DCC: variants seen among roughly 807,000 people sequenced by gnomAD.
DCC encodes DCC netrin 1 receptor, also known as netrin receptor DCC.
A neutral mutation model predicts 172.5 loss-of-function variants in DCC; 58 were observed. The observed-to-expected ratio is 0.34, with a 90% CI of 0.27 to 0.42. The LOEUF (loss-of-function observed/expected upper bound fraction) is 0.42. Ranked by LOEUF, DCC falls within the 10% of genes least tolerant of loss-of-function variation. DCC has a pLI of 1.00. For synonymous variants in DCC, 709 were observed against 644.5 expected, an observed-to-expected ratio of 1.10 and a Z score of -1.52; for missense variants, 1,740 against 1,791.0, an observed-to-expected ratio of 0.97 and a Z score of 0.51.
At chr18:52,731,544 T>A (rs1415475421) in intron 1 of DCC, among the ~76,000 whole-genome samples, 1 of 152,206 alleles carries the variant, frequency 6.6e-6, no homozygotes, top group African/African-American at 2.4e-5. Flanking sequence ...AAGAGTATTT[T>A]CTCTTTACAT....
intron 16 of DCC, among the ~76,000 whole-genome samples, chr18:53,387,153 TA>T (rs1908224918): frequency 6.6e-6 from 1 of 152,190 alleles, no homozygotes; most frequent in Admixed American, 6.5e-5. Flanking sequence ...GGTTATAAAA[TA>T]AATAGTGGAA....
chr18:53,368,788 T>G (rs1020655392), intron 15 of DCC, among the ~76,000 whole-genome samples: 2 of 152,090 alleles, frequency 1.3e-5, no homozygotes, highest in Non-Finnish European at 2.9e-5. Context: ...TATTCTATTC[T>G]GTTGATTTAT....
At chr18:53,380,162 T>C (rs1290450315) in intron 15 of DCC, among the ~76,000 whole-genome samples, 11 of 152,204 alleles carry the variant, frequency 7.2e-5, no homozygotes, top group Admixed American at 7.2e-4. Context: ...ACTCATTTGA[T>C]GCTTCTGTAG....
chr18:53,428,334 ATTG>A (rs1229468215), intron 21 of DCC, among the ~76,000 whole-genome samples: 3 of 64,172 alleles, frequency 4.7e-5, no homozygotes, highest in African/African-American at 1.5e-4. Context: ...AATATAATAT[ATTG>A]TATATAATAT....
At chr18:52,523,161 C>T (rs1001216237) in intron 1 of DCC, among the ~76,000 whole-genome samples, 1 of 152,094 alleles carries the variant, frequency 6.6e-6, no homozygotes, top group Non-Finnish European at 1.5e-5. Flanking sequence ...TGTACTGGGC[C>T]TTAGTTTCTC....
At chr18:53,085,988 TCTCCTTCTC>T (rs2042875235) in intron 7 of DCC, among the ~76,000 whole-genome samples, 1 of 55,198 alleles carries the variant, frequency 1.8e-5, no homozygotes, top group South Asian at 4.2e-4. Context: ...TTCTTCTTCT[TCTCCTTCTC>T]CTTCTTCTCC....
intron 1 of DCC, among the ~76,000 whole-genome samples, chr18:52,526,998 ATC>A: frequency 6.6e-6 from 1 of 152,220 alleles, no homozygotes; most frequent in Non-Finnish European, 1.5e-5. Flanking sequence ...ATGCTTTCTT[ATC>A]CAGTGAGCAA....
chr18:53,125,541 A>C (rs1304215896), intron 7 of DCC, among the ~76,000 whole-genome samples: 1 of 151,994 alleles, frequency 6.6e-6, no homozygotes, highest in Non-Finnish European at 1.5e-5. Context: ...AGGTCTTCCC[A>C]TTTGTTGGGT....
chr18:52,443,535 A>C (rs1988033083), intron 1 of DCC, among the ~76,000 whole-genome samples: 1 of 152,206 alleles, frequency 6.6e-6, no homozygotes. Flanking sequence ...AAGAATGCAT[A>C]GGAGTTTCCC....
intron 1 of DCC, among the ~76,000 whole-genome samples, chr18:52,716,213 G>A (rs1451681356): frequency 6.6e-6 from 1 of 152,234 alleles, no homozygotes. Context: ...ATCCCAGGGG[G>A]CTCCTCTTTT....
intron 2 of DCC, among the ~76,000 whole-genome samples, chr18:52,855,335 T>G (rs1450887685): frequency 6.6e-6 from 1 of 152,244 alleles, no homozygotes; most frequent in Non-Finnish European, 1.5e-5. Context: ...TAGATTGTTT[T>G]GACATTACTT....
chr18:52,357,971 C>A (rs1984451523), intron 1 of DCC, among the ~76,000 whole-genome samples: 1 of 151,354 alleles, frequency 6.6e-6, no homozygotes, highest in Non-Finnish European at 1.5e-5. Flanking sequence ...ACAAACACTA[C>A]CTCAGCCAGG....
At chr18:52,451,876 T>G in intron 1 of DCC, among the ~76,000 whole-genome samples, 1 of 152,180 alleles carries the variant, frequency 6.6e-6, no homozygotes, top group East Asian at 1.9e-4. Flanking sequence ...TTTGGGCTCT[T>G]CTCTCTAGGC....
chr18:52,704,605 T>C lies in DCC; in HGVS notation c.92-47449T>C, dbSNP rs200702807. 7.4e-4 allele frequency among the ~76,000 whole-genome samples: 113 copies of C among 152,298 alleles called. 1 individual carries two copies. The highest frequency in any genetic ancestry group is 2.0e-3 in the African/African-American group (85 of 41,578). On this transcript the variant is annotated intron_variant, in intron 1 of 28. Transcript: ENST00000442544. Reference sequence around the variant, plus strand: ...AAGCACTGTATTTCTGAAGCCCAAATTGCAAATGAAATAAATGATGTGCCC... The same window carrying C: ...AAGCACTGTATTTCTGAAGCCCAAACTGCAAATGAAATAAATGATGTGCCC...
rs71175556 is a variant in DCC, at chr18:53,131,953, A to ATTTTTTTTTTT, written c.1262-25382_1262-25372dup. Among the ~76,000 whole-genome samples, 26 of 58,276 alleles carry ATTTTTTTTTTT rather than the reference A, an allele frequency of 4.5e-4. 1 individual carries two copies. The highest frequency in any genetic ancestry group is 8.1e-4 in the East Asian group (1 of 1,236). 38.2% of individuals were successfully genotyped at this position (58,276 alleles called of 152,430 possible). On this transcript the variant is annotated intron_variant, in intron 7 of 28. Transcript: ENST00000442544. ...AACATGGTATCATTGTCTCTAAGTG[A>ATTTTTTTTTTT]TTTTTTTTTTTTTTTTTTTTTTTTT...
chr18:52,831,076 G>C (rs2038606162), intron 2 of DCC, among the ~76,000 whole-genome samples: 1 of 152,086 alleles, frequency 6.6e-6, no homozygotes, highest in African/African-American at 2.4e-5. Flanking sequence ...AGACCTTAAG[G>C]AGGTCAGAAA....
chr18:52,500,605 T>C (rs935224151), intron 1 of DCC, among the ~76,000 whole-genome samples: 1 of 152,202 alleles, frequency 6.6e-6, no homozygotes, highest in African/African-American at 2.4e-5. Flanking sequence ...TCTCCCTACC[T>C]TGTCTTTCCG....
chr18:52,703,940 T>G (rs2145041303), intron 1 of DCC, among the ~76,000 whole-genome samples: 1 of 152,278 alleles, frequency 6.6e-6, no homozygotes, highest in Non-Finnish European at 1.5e-5. Context: ...TTGTCTCCAT[T>G]TCCCACTTCC....
Position 53,482,074 on chromosome 18 carries a change from T to TTG in DCC, c.3737-4711_3737-4710dup, listed in dbSNP as rs1379216604. 4.0e-5 allele frequency among the ~76,000 whole-genome samples: 6 copies of TTG among 151,792 alleles called. No individual in the cohort carries two copies. In the East Asian group the frequency reaches 7.7e-4, roughly 20 times the overall value. The stretch of plus-strand genomic sequence containing the variant: ...TGTGTGTTTGTGTGTATGTGTGTGT[T>TTG]TGTGTGTGTGTGTATTTCCGACTTT... On this transcript the variant is annotated intron_variant, in intron 25 of 28. Coordinates refer to ENST00000442544, the MANE Select transcript of DCC (RefSeq NM_005215.4).
Sources: gnomAD v4.1 joint callset for allele counts (sites outside exome capture counted in the v4.1 genomes callset) on GRCh38, gnomAD v4.1.1 for gene constraint, MANE v1.5 for transcripts, NCBI Gene and HGNC (gene_info 2026-07-23, HGNC 2026-07-21) for gene names.